The following STIP1 variants were observed in gnomAD, a reference collection of about 807,000 sequenced individuals.
STIP1 encodes stress-induced-phosphoprotein 1.
In STIP1, 16 loss-of-function variants were observed where a neutral mutation model predicts 77.4. That is an observed-to-expected ratio of 0.21 (90% confidence interval 0.14 to 0.31). The LOEUF is 0.31. Ranked by LOEUF, STIP1 falls within the 10% of genes least tolerant of loss-of-function variation. The probability of loss-of-function intolerance (pLI) is 1.00; values close to 1 mark genes in which losing one functional copy is unlikely to be tolerated. For missense variants in STIP1, 524 were observed against 684.8 expected, an observed-to-expected ratio of 0.77 and a Z score of 2.62; for synonymous variants, 258 against 246.6, an observed-to-expected ratio of 1.05 and a Z score of -0.44.
chr11:64,185,498 G>T, upstream of STIP1: 1 of 352,142 alleles, frequency 2.8e-6, no homozygotes, highest in Non-Finnish European at 5.3e-6. Context: ...TGGACAACGC[G>T]GGTAGCTGGC....
At chr11:64,193,773 A>C (rs1946117760) in intron 2 of STIP1, among the ~76,000 whole-genome samples, 1 of 152,150 alleles carries the variant, frequency 6.6e-6, no homozygotes, top group South Asian at 2.1e-4. Flanking sequence ...GTGACACGGC[A>C]AGACCCTGTC....
intron 8 of STIP1, among the ~76,000 whole-genome samples, chr11:64,199,213 TGCCAGCAATA>T (rs1213315837): frequency 1.4e-5 from 2 of 139,846 alleles, no homozygotes; most frequent in African/African-American, 5.4e-5. Context: ...AAAAAAATCT[TGCCAGCAATA>T]GCCAGTCGCA....
At chr11:64,190,280 T>C (rs1946078042) in intron 1 of STIP1, among the ~76,000 whole-genome samples, 1 of 152,166 alleles carries the variant, frequency 6.6e-6, no homozygotes, top group South Asian at 2.1e-4. Context: ...TTCTAGCAAT[T>C]TTCCTGCCTC....
intron 1 of STIP1, among the ~76,000 whole-genome samples, chr11:64,189,512 G>A (rs1434072934): frequency 2.6e-5 from 4 of 151,554 alleles, no homozygotes; most frequent in Middle Eastern, 3.4e-3. Flanking sequence ...GAATGACAGC[G>A]AAACTGCATC....
At chr11:64,187,518 C>A (rs949274585) in intron 1 of STIP1, among the ~76,000 whole-genome samples, 6 of 152,258 alleles carry the variant, frequency 3.9e-5, no homozygotes, top group African/African-American at 1.4e-4. Flanking sequence ...CAGAGCTGAG[C>A]CTTTGGTCTC....
intron 10 of STIP1, 64 bp from the exon 11 acceptor site, chr11:64,202,812 G>T: frequency 6.3e-7 from 1 of 1,596,316 alleles, no homozygotes; most frequent in South Asian, 1.1e-5. Context: ...CCACATGCTT[G>T]AGTTGCCTGT....
chr11:64,191,415 G>C (rs1946091143), intron 1 of STIP1, among the ~76,000 whole-genome samples: 1 of 151,794 alleles, frequency 6.6e-6, no homozygotes, highest in Non-Finnish European at 1.5e-5. Context: ...AGACCAGCCT[G>C]GCCAACATGG....
intron 7 of STIP1, 105 bp from the exon 8 acceptor site, chr11:64,197,749 G>A (rs2134799981): frequency 6.4e-7 from 1 of 1,558,406 alleles, no homozygotes; most frequent in South Asian, 1.2e-5. Flanking sequence ...GACAAAAGGT[G>A]TTGAAGGCAG....
At chr11:64,186,144 G>A (rs561418435), upstream of STIP1, 5 of 1,548,236 alleles carry the variant, frequency 3.2e-6, no homozygotes, top group Admixed American at 3.9e-5. Flanking sequence ...GAGCAGGCGA[G>A]GAAGGGGCGG....
intron 5 of STIP1, 154 bp downstream of exon 5, chr11:64,195,967 T>G: frequency 9.4e-7 from 1 of 1,069,370 alleles, no homozygotes; most frequent in Non-Finnish European, 1.3e-6. Flanking sequence ...GTCTTGAACT[T>G]CTGGCCTCAA....
chr11:64,190,340 A>T (rs1014049334), intron 1 of STIP1, among the ~76,000 whole-genome samples: 2 of 151,738 alleles, frequency 1.3e-5, no homozygotes, highest in Non-Finnish European at 2.9e-5. Context: ...CGCCCGGCTA[A>T]TTTTTTTTGT....
chr11:64,187,573 T>TA (rs1324952874), intron 1 of STIP1, among the ~76,000 whole-genome samples: 1 of 152,208 alleles, frequency 6.6e-6, no homozygotes, highest in Non-Finnish European at 1.5e-5. Flanking sequence ...TTCCTTGCTG[T>TA]ATTAAAAAGA....
At chr11:64,189,232 G>A (rs950683611) in intron 1 of STIP1, among the ~76,000 whole-genome samples, 1 of 152,132 alleles carries the variant, frequency 6.6e-6, no homozygotes, top group East Asian at 1.9e-4. Flanking sequence ...GTGGTGGCAC[G>A]CGCCTGTAGT....
upstream of STIP1, chr11:64,186,113 C>T: frequency 6.4e-7 from 1 of 1,550,604 alleles, no homozygotes; most frequent in Non-Finnish European, 8.7e-7. Context: ...CAGACATTCC[C>T]CCTAGAAGAA....
intron 1 of STIP1, among the ~76,000 whole-genome samples, chr11:64,189,681 C>T (rs752137732): frequency 5.9e-5 from 9 of 152,190 alleles, no homozygotes; most frequent in Non-Finnish European, 8.8e-5. Context: ...GTTATGTGCA[C>T]TGTGTGCTGG....
At chr11:64,203,273 C>G in intron 12 of STIP1, 45 bp downstream of exon 12, 2 of 1,604,788 alleles carry the variant, frequency 1.2e-6, no homozygotes, top group Non-Finnish European at 1.7e-6. Context: ...GCCTCTTTCT[C>G]TGTTGGGGCT....
Position 64,204,354 on chromosome 11 carries a change from C to G in STIP1, c.*228C>G. On this transcript the variant is annotated 3_prime_UTR_variant, in exon 14 of 14. Coordinates refer to ENST00000305218, the MANE Select transcript of STIP1 (RefSeq NM_006819.3). ...GTCTCTTCACCGCTGCCCTCGAGTT[C>G]CATGTCTCTTTCCCCTGCCCCTAGT... The G allele has an allele frequency of 1.9e-6, 1 of 515,474 alleles. No homozygotes were observed. Among genetic ancestry groups the G allele is most frequent in the Non-Finnish European group, 3.4e-6 (1 of 295,056 alleles). 31.9% of individuals were successfully genotyped at this position (515,474 alleles called of 1,614,324 possible).
At position 64,203,205 on chromosome 11, in the gene STIP1, C is replaced by G. The variant is rs762361213; in HGVS notation, c.1363C>G (p.Leu455Val). ...AGCCATGGATGTGTACCAGAAGGCGCTAGACCTGGACTCCAGCTGTAAGGT... is the reference window on the plus strand; with the variant it reads ...AGCCATGGATGTGTACCAGAAGGCGGTAGACCTGGACTCCAGCTGTAAGGT... Reference protein sequence around the residue: ...TKAMDVYQKALDLDSSCKEAA... With the variant: ...TKAMDVYQKAVDLDSSCKEAA... The change falls in exon 12 of 14, where the codon CTA becomes GTA. Residue 455 changes from leucine to valine, a missense_variant. Leu to Val is a conservative substitution (Grantham distance 32). Transcript: ENST00000305218. 2.0e-5 allele frequency: 33 copies of G among 1,613,986 alleles called. No homozygotes were observed. Among genetic ancestry groups the G allele is most frequent in the Non-Finnish European group, 2.8e-5 (33 of 1,180,060 alleles).
chr11:64,186,683 T>C (rs1183804205), intron 1 of STIP1, among the ~76,000 whole-genome samples: 2 of 152,088 alleles, frequency 1.3e-5, no homozygotes, highest in Non-Finnish European at 2.9e-5. Context: ...CTCCGGGAGA[T>C]CTCAGACGGC....
Sources: allele counts gnomAD v4.1 joint callset (sites outside exome capture counted in the v4.1 genomes callset), GRCh38; gene constraint gnomAD v4.1.1; transcripts MANE v1.5; gene names NCBI Gene and HGNC (gene_info 2026-07-23, HGNC 2026-07-21).